Variants in ASAP1 observed in about 807,000 individuals in gnomAD.
ASAP1 encodes the protein arf-GAP with SH3 domain, ANK repeat and PH domain-containing protein 1.
ASAP1 carries 43 observed loss-of-function variants against 145.2 expected under a neutral mutation model. The ratio of observed to expected loss-of-function variants is 0.30; its 90% confidence interval spans 0.23 to 0.38. The LOEUF (loss-of-function observed/expected upper bound fraction) is 0.38, where lower values mean the gene tolerates loss of function less well. Ranked by LOEUF, ASAP1 falls within the 10% of genes least tolerant of loss-of-function variation. The pLI is 1.00. For missense variants in ASAP1, 1,018 were observed against 1,355.3 expected (o/e 0.75, Z 3.91); for synonymous variants, 546 against 515.5 (o/e 1.06, Z -0.80).
chr8:130,256,797 A>ATATATATATATATATATATAT (rs1819596324), intron 3 of ASAP1, among the ~76,000 whole-genome samples: 1 of 142,212 alleles, frequency 7.0e-6, no homozygotes, highest in Non-Finnish European at 1.5e-5. Context: ...ATATATATAT[A>ATATATATATATATATATATAT]AGCTTTTATT....
intron 1 of ASAP1, among the ~76,000 whole-genome samples, chr8:130,414,039 A>G (rs1214184226): frequency 6.6e-6 from 1 of 152,182 alleles, no homozygotes. Flanking sequence ...AAGTTGCTAT[A>G]AAGTAGAGAA....
chr8:130,167,724 G>T, intron 10 of ASAP1, 102 bp from the exon 11 acceptor site: 18 of 836,008 alleles, frequency 2.2e-5, no homozygotes, highest in South Asian at 3.3e-5. Flanking sequence ...TTATATATTT[G>T]GTTTTCTTAC....
chr8:130,310,674 T>A (rs1823286971), intron 3 of ASAP1, among the ~76,000 whole-genome samples: 1 of 151,418 alleles, frequency 6.6e-6, no homozygotes, highest in African/African-American at 2.4e-5. Flanking sequence ...CCAAATCACA[T>A]ATTCTCTAGT....
chr8:130,077,194 C>T (rs1044815609), intron 26 of ASAP1, among the ~76,000 whole-genome samples: 8 of 152,224 alleles, frequency 5.3e-5, no homozygotes, highest in Admixed American at 4.6e-4. Context: ...GTTCTCGGGC[C>T]TCCAGGCTCT....
intron 9 of ASAP1, among the ~76,000 whole-genome samples, chr8:130,170,316 G>A (rs1198167589): frequency 6.6e-6 from 1 of 151,966 alleles, no homozygotes; most frequent in Non-Finnish European, 1.5e-5. Flanking sequence ...CACCACACCA[G>A]GCTAATTTTT....
At chr8:130,391,271 G>A (rs147472164) in intron 2 of ASAP1, among the ~76,000 whole-genome samples, 26 of 152,298 alleles carry the variant, frequency 1.7e-4, no homozygotes, top group African/African-American at 5.8e-4. Flanking sequence ...TCCAGGGATG[G>A]GAAGGGAGAG....
chr8:130,277,176 C>T (rs1820964190), intron 3 of ASAP1, among the ~76,000 whole-genome samples: 1 of 152,136 alleles, frequency 6.6e-6, no homozygotes, highest in Non-Finnish European at 1.5e-5. Context: ...CCACAGGCCA[C>T]GGTAACCTGA....
At chr8:130,214,958 T>A (rs1401788751) in intron 4 of ASAP1, among the ~76,000 whole-genome samples, 3 of 152,068 alleles carry the variant, frequency 2.0e-5, no homozygotes, top group Non-Finnish European at 4.4e-5. Flanking sequence ...TGGAGTGCAA[T>A]GGCACAATCT....
At position 130,107,183 on chromosome 8, in the gene ASAP1, C is replaced by CTTT. The variant is rs34978580; in HGVS notation, c.2401+4908_2401+4910dup. On this transcript the variant is annotated intron_variant, in intron 24 of 29. Coordinates refer to ENST00000518721, the MANE Select transcript of ASAP1 (RefSeq NM_018482.4). ...GAACTATAGTCTCTCTCTTCTTCTTCTTTTTTTTTTTTTTTTTGAGACGGA... is the reference window on the plus strand; with the variant it reads ...GAACTATAGTCTCTCTCTTCTTCTTCTTTTTTTTTTTTTTTTTTTTGAGACGGA... 1.0e-4 allele frequency among the ~76,000 whole-genome samples: 12 copies of CTTT among 119,658 alleles called. 1 individual carries two copies. The highest frequency in any genetic ancestry group is 5.7e-4 in the South Asian group (2 of 3,508). 78.5% of individuals were successfully genotyped at this position (119,658 alleles called of 152,430 possible).
At chr8:130,373,259 G>A (rs944009606) in intron 2 of ASAP1, among the ~76,000 whole-genome samples, 1 of 150,712 alleles carries the variant, frequency 6.6e-6, no homozygotes, top group African/African-American at 2.4e-5. Context: ...CAAAACCTAT[G>A]GATTTTAATC....
intron 25 of ASAP1, among the ~76,000 whole-genome samples, chr8:130,085,734 T>G (rs1253111434): frequency 2.2e-5 from 1 of 45,396 alleles, no homozygotes; most frequent in African/African-American, 7.6e-5. Flanking sequence ...GACGTTGTCT[T>G]TAAGAAAAAA....
intron 2 of ASAP1, among the ~76,000 whole-genome samples, chr8:130,381,852 T>A (rs536323288): frequency 1.3e-5 from 2 of 152,302 alleles, no homozygotes; most frequent in East Asian, 3.9e-4. Flanking sequence ...CACGCAGGCC[T>A]CTGCATGCTT....
At chr8:130,188,022 A>G in intron 6 of ASAP1, 87 bp downstream of exon 6, 1 of 946,550 alleles carries the variant, frequency 1.1e-6, no homozygotes, top group South Asian at 1.4e-5. Flanking sequence ...GAGTCTTTCA[A>G]ATACAAGTAC....
intron 3 of ASAP1, among the ~76,000 whole-genome samples, chr8:130,249,242 G>C (rs1207854537): frequency 1.3e-5 from 2 of 152,042 alleles, no homozygotes; most frequent in Admixed American, 6.6e-5. Context: ...CTTTAAAACA[G>C]AATCAAGTGG....
intron 2 of ASAP1, among the ~76,000 whole-genome samples, chr8:130,373,147 CACA>C (rs1827308234): frequency 6.8e-6 from 1 of 147,440 alleles, no homozygotes; most frequent in Non-Finnish European, 1.5e-5. Flanking sequence ...CACACACACA[CACA>C]GAGTCTCATC....
Position 130,112,225 on chromosome 8 carries a change from C to T in ASAP1, c.2270G>A (p.Ser757Asn). 1 of 1,614,188 alleles carries T rather than the reference C, an allele frequency of 6.2e-7. No homozygotes were observed. The highest frequency in any genetic ancestry group is 8.5e-7 in the Non-Finnish European group (1 of 1,180,038). Residue 757 changes from serine (S) to asparagine (N), a missense_variant, in exon 24 of 30, where the codon AGC (serine) becomes AAC (asparagine). By Grantham distance (46) the Ser-to-Asn change is conservative. This residue lies in a region of ASAP1 where 353 missense variants were observed against 375.4 expected (regional missense o/e 0.94). Coordinates refer to ENST00000518721, the MANE Select transcript of ASAP1 (RefSeq NM_018482.4). ...PQDKLALPGF[S>N]TPRDKQRLSY... ...GAGCCGCTGTTTGTCCCTTGGAGTG[C>T]TGAATCCTGGCAGTGCCAGCTTGTC... is the stretch of plus-strand genomic sequence containing the variant.
chr8:130,327,886 C>A (rs1020309509), intron 3 of ASAP1, among the ~76,000 whole-genome samples: 1 of 152,026 alleles, frequency 6.6e-6, no homozygotes, highest in Non-Finnish European at 1.5e-5. Context: ...AAGTATGCTA[C>A]GTGAATTAAG....
chr8:130,304,369 A>C (rs1440732361), intron 3 of ASAP1, among the ~76,000 whole-genome samples: 1 of 152,096 alleles, frequency 6.6e-6, no homozygotes, highest in Non-Finnish European at 1.5e-5. Context: ...TGACACATTC[A>C]CCCTAAAAAA....
intron 3 of ASAP1, among the ~76,000 whole-genome samples, chr8:130,275,494 G>C (rs550088616): frequency 5.0e-4 from 76 of 152,220 alleles, no homozygotes; most frequent in African/African-American, 1.7e-3. Flanking sequence ...CTCTCCTCCT[G>C]GCTAGCCTAG....
Sources: allele counts gnomAD v4.1 joint callset (sites outside exome capture counted in the v4.1 genomes callset), GRCh38; gene constraint gnomAD v4.1.1; regional missense constraint gnomAD v4.1.1; transcripts MANE v1.5; gene names NCBI Gene and HGNC (gene_info 2026-07-23, HGNC 2026-07-21).